Variants in GSTM3 observed in about 807,000 individuals in gnomAD.
GSTM3 encodes the protein glutathione S-transferase mu 3, also known as GST class-mu 3.
A neutral mutation model predicts 36.1 loss-of-function variants in GSTM3; 34 were observed. The ratio of observed to expected loss-of-function variants is 0.94; its 90% CI spans 0.72 to 1.25. GSTM3 has a LOEUF of 1.25. GSTM3 is among the 50% of genes most tolerant of loss of function. The pLI, the probability that GSTM3 is intolerant of heterozygous loss-of-function variation, is 0.00. For missense variants in GSTM3, 266 were observed against 281.6 expected (o/e 0.94, Z 0.40); for synonymous variants, 102 against 99.5 (o/e 1.03, Z -0.15).
chr1:109,739,807 T>C, intron 3 of GSTM3, 26 bp downstream of exon 3: 2 of 1,525,642 alleles, frequency 1.3e-6, no homozygotes, highest in Non-Finnish European at 1.8e-6. Context: ...CCAGCTTGGC[T>C]GCACGGGCAC....
At chr1:109,740,599 G>C (rs1052706533) in intron 1 of GSTM3, 88 bp from the exon 2 acceptor site, 10 of 402,534 alleles carry the variant, frequency 2.5e-5, no homozygotes, top group Admixed American at 4.3e-5. Flanking sequence ...TGCCAGTGAA[G>C]ACGCGAAAAG....
rs747271780 is a variant in GSTM3, at chr1:109,735,633, G to GAGTTTTTTTTTTTTTTTTT, written c.*1437_*1438insAAAAAAAAAAAAAAAAACT. 5 of 60,720 alleles carry GAGTTTTTTTTTTTTTTTTT rather than the reference G, an allele frequency of 8.2e-5. 2 individuals carry two copies. The highest frequency in any genetic ancestry group is 9.8e-5 in the African/African-American group (2 of 20,374). The allele number at this position is 60,720 out of a possible 1,614,324, so 3.8% of individuals were successfully genotyped here. On this transcript the variant is annotated 3_prime_UTR_variant, in exon 9 of 9. Transcript: ENST00000361066. ...CATCTTAGTATATGTCTCTTTGAAT[G>GAGTTTTTTTTTTTTTTTTT]TTTTTTTTTTTTTTTTTTTTTTTTT... is the stretch of plus-strand genomic sequence containing the variant.
At position 109,737,121 on chromosome 1, in the gene GSTM3, T is replaced by C. The variant is rs1649222023; in HGVS notation, c.628A>G (p.Met210Val). ...TGGGCCATCTTGTTGTTGATGGGCA[T>C]CTTGCAGAACTGATCAGACTGTAAG... is the stretch of plus-strand genomic sequence containing the variant. ...AYLQSDQFCK[M>V]PINNKMAQWG... The change falls in exon 9 of 9, where the codon ATG (methionine) becomes GTG (valine). Residue 210 changes from methionine to valine, a missense_variant. Physicochemically the swap from Met to Val is conservative, Grantham distance 21. Transcript: ENST00000361066. The C allele has an allele frequency of 6.2e-7, 1 of 1,614,022 alleles. No individual in the cohort carries two copies. Among genetic ancestry groups the C allele is most frequent in the Admixed American group, 1.7e-5 (1 of 60,028 alleles).
intron 4 of GSTM3, among the ~76,000 whole-genome samples, chr1:109,738,655 A>G (rs1441938081): frequency 6.6e-6 from 1 of 152,094 alleles, no homozygotes; most frequent in Non-Finnish European, 1.5e-5. Context: ...CAATCAAAAA[A>G]TATTTTTAAA....
chr1:109,738,902 T>C (rs543007633), intron 4 of GSTM3, among the ~76,000 whole-genome samples: 30 of 152,024 alleles, frequency 2.0e-4, no homozygotes, highest in Non-Finnish European at 3.5e-4. Flanking sequence ...GGGAGGACTG[T>C]TTGAGCCCAG....
chr1:109,735,402 T>C lies in GSTM3; in HGVS notation c.*1669A>G, dbSNP rs1162781724. 1 of 152,220 alleles carries C rather than the reference T, an allele frequency of 6.6e-6. No homozygotes were observed. The highest frequency in any genetic ancestry group is 1.5e-5 in the Non-Finnish European group (1 of 68,092). 9.4% of individuals were successfully genotyped at this position (152,220 alleles called of 1,614,324 possible). ...GTTGCCCAGGCTGGTCTTAAACTCC[T>C]GGCCTCAACTGATCCTCTCACCTCA... is the stretch of plus-strand genomic sequence containing the variant. On this transcript the variant is annotated 3_prime_UTR_variant, in exon 9 of 9. Coordinates refer to ENST00000361066, the MANE Select transcript of GSTM3 (RefSeq NM_000849.5).
intron 3 of GSTM3, 82 bp from the exon 4 acceptor site, chr1:109,739,575 G>T: frequency 1.9e-6 from 2 of 1,028,972 alleles, no homozygotes; most frequent in Non-Finnish European, 3.0e-6. Flanking sequence ...AAATGACTTG[G>T]TCCCAATACC....
chr1:109,739,703 G>A, intron 3 of GSTM3, 130 bp downstream of exon 3: 1 of 732,318 alleles, frequency 1.4e-6, no homozygotes, highest in Non-Finnish European at 2.4e-6. Flanking sequence ...TAAAGGATGT[G>A]TCTCTATTCA....
rs1425179754 is a variant in GSTM3 at position 109,737,271 on chromosome 1, A to AT, written c.580-103dup. On this transcript the variant is annotated intron_variant, in intron 8 of 8. Coordinates refer to ENST00000361066, the MANE Select transcript of GSTM3 (RefSeq NM_000849.5). The stretch of plus-strand genomic sequence containing the variant: ...CGTGTTGCCTGCGTCTACCTCCTCC[A>AT]TTTTTTTGTAGACAGTGCCTCCAAG... 12 of 895,090 alleles carry AT rather than the reference A, an allele frequency of 1.3e-5. No individual in the cohort carries two copies. In the South Asian group the frequency reaches 1.4e-4, roughly 10 times the overall value. The allele number at this position is 895,090 out of a possible 1,614,324, so 55.4% of individuals were successfully genotyped here.
At position 109,737,079 on chromosome 1, in the gene GSTM3, C is replaced by T. The variant is rs7483; in HGVS notation, c.670G>A (p.Val224Ile). 504,560 of 1,599,424 alleles carry T rather than the reference C, an allele frequency of 0.32. 87,787 individuals carry two copies. The highest frequency in any genetic ancestry group is 0.75 in the East Asian group (33,728 of 44,782). The change falls in exon 9 of 9, where the codon GTA becomes ATA. Residue 224 changes from valine (V) to isoleucine (I), a missense_variant. Coordinates refer to ENST00000361066, the MANE Select transcript of GSTM3 (RefSeq NM_000849.5). ...NKMAQWGNKP[V>I]C ...GCAAGTCTGCCTCCTGCTCAGCATA[C>T]AGGCTTGTTGCCCCACTGGGCCATC...
Position 109,740,411 on chromosome 1 carries a change from C to A in GSTM3, c.-124G>T. 1.2e-6 allele frequency: 1 copy of A among 805,554 alleles called. No individual in the cohort carries two copies. 49.9% of individuals were successfully genotyped at this position (805,554 alleles called of 1,614,324 possible). On this transcript the variant is annotated 5_prime_UTR_variant, in exon 2 of 9. Coordinates refer to ENST00000361066, the MANE Select transcript of GSTM3 (RefSeq NM_000849.5). ...ACTCCGCCTCCGCCCCGTTCTCCGT[C>A]CCTTGCCTCCGCGGCTCCACAGGGC... is the stretch of plus-strand genomic sequence containing the variant.
At position 109,739,496 on chromosome 1, in the gene GSTM3, G is replaced by GT; in HGVS notation, c.125-4dup. 1.2e-6 allele frequency: 2 copies of GT among 1,610,342 alleles called. No homozygotes were observed. Among genetic ancestry groups the GT allele is most frequent in the Non-Finnish European group, 1.7e-6 (2 of 1,177,010 alleles). ...TTGGCTTCGATCATAGTCAGGAGCT[G>GT]TAAGAGACGGAATTAAGTGGGACCC... On this transcript the variant is annotated splice_region_variant and splice_polypyrimidine_tract_variant and intron_variant, in intron 3 of 8. Transcript: ENST00000361066.
chr1:109,740,486 C>T lies in GSTM3; in HGVS notation c.-199G>A, dbSNP rs1381489882. On this transcript the variant is annotated 5_prime_UTR_variant, in exon 2 of 9. Coordinates refer to ENST00000361066, the MANE Select transcript of GSTM3 (RefSeq NM_000849.5). ...GCGTTGGGGTTCAGGGCCTGGCGAC[C>T]CCGAGGCGGGACCCGGGCAGGAGTG... The T allele has an allele frequency of 1.7e-6, 1 of 592,954 alleles. No individual in the cohort carries two copies. The highest frequency in any genetic ancestry group is 2.9e-5 in the East Asian group (1 of 34,206). 36.7% of individuals were successfully genotyped at this position (592,954 alleles called of 1,614,324 possible).
Position 109,737,738 on chromosome 1 carries a change from G to A in GSTM3, c.386C>T (p.Pro129Leu), listed in dbSNP as rs1329263504. 3 of 1,589,836 alleles carry A rather than the reference G, an allele frequency of 1.9e-6. No individual in the cohort carries two copies. Among genetic ancestry groups the A allele is most frequent in the South Asian group, 2.3e-5 (2 of 88,210 alleles). ...CYSSDHEKLK[P>L]QYLEELPGQL... ...TCCAGGTAGCTCTTCCAAGTACTGA[G>A]GCTTCAGTTTTTCCTGAGAGGAAAA... The change falls in exon 7 of 9, where the codon CCT (proline) becomes CTT (leucine). Residue 129 changes from proline to leucine, a missense_variant. Coordinates refer to ENST00000361066, the MANE Select transcript of GSTM3 (RefSeq NM_000849.5).
Position 109,736,515 on chromosome 1 carries a change from C to A in GSTM3, c.*556G>T, listed in dbSNP as rs974768933. 1.1e-4 allele frequency: 16 copies of A among 152,204 alleles called. No individual in the cohort carries two copies. Among genetic ancestry groups the A allele is most frequent in the African/African-American group, 3.4e-4 (14 of 41,444 alleles). 9.4% of individuals were successfully genotyped at this position (152,204 alleles called of 1,614,324 possible). A position where few individuals can be genotyped will look rare whatever the true frequency, so the allele number is the denominator to read the frequency against. On this transcript the variant is annotated 3_prime_UTR_variant, in exon 9 of 9. Transcript: ENST00000361066. ...TACATTTTCATCAATATTTCAACAG[C>A]TTTGTGTTTAATGTTGGGCCTTAAA...
chr1:109,739,982 C>G (rs1256365125), intron 2 of GSTM3, 74 bp from the exon 3 acceptor site: 2 of 1,236,984 alleles, frequency 1.6e-6, no homozygotes, highest in Non-Finnish European at 2.3e-6. Flanking sequence ...CGTTCCCCGG[C>G]CCGGGGCTGC....
At chr1:109,740,851 C>G (rs1163437404) in intron 1 of GSTM3, 102 bp downstream of exon 1, 1 of 158,558 alleles carries the variant, frequency 6.3e-6, no homozygotes, top group African/African-American at 2.4e-5. Flanking sequence ...TCCCTCAGCC[C>G]GTCACAACTT....
intron 2 of GSTM3, 147 bp from the exon 3 acceptor site, chr1:109,740,055 C>A: frequency 1.2e-6 from 1 of 867,064 alleles, no homozygotes; most frequent in South Asian, 1.6e-5. Flanking sequence ...CCGGCGTGGT[C>A]TCCTCCGCCC....
At chr1:109,739,975 TC>T in intron 2 of GSTM3, 67 bp from the exon 3 acceptor site, 1 of 1,298,696 alleles carries the variant, frequency 7.7e-7, no homozygotes. Flanking sequence ...CCGCTAACGT[TC>T]CCCGGCCCGG....
Sources: gnomAD v4.1 joint callset for allele counts (sites outside exome capture counted in the v4.1 genomes callset) on GRCh38, gnomAD v4.1.1 for gene constraint, MANE v1.5 for transcripts, NCBI Gene and HGNC (gene_info 2026-07-23, HGNC 2026-07-21) for gene names.